The following PTH1R variants were observed in gnomAD, a reference collection of about 807,000 sequenced individuals.
PTH1R encodes the protein parathyroid hormone/parathyroid hormone-related peptide receptor.
Under a neutral mutation model 70.7 loss-of-function variants are expected in PTH1R, and 32 were observed. The observed-to-expected ratio is 0.45, with a 90% CI of 0.34 to 0.61. PTH1R has a LOEUF of 0.61. Ranked by LOEUF, PTH1R falls within the 20% of genes least tolerant of loss-of-function variation. The pLI, the probability that PTH1R is intolerant of heterozygous loss-of-function variation, is 0.01. For synonymous variants in PTH1R, 329 were observed against 324.8 expected, an observed-to-expected ratio of 1.01 and a Z score of -0.14; for missense variants, 626 against 792.5, an observed-to-expected ratio of 0.79 and a Z score of 2.52.
chr3:46,883,701 C>G lies in PTH1R; in HGVS notation c.75+67C>G. The G allele has an allele frequency of 6.6e-7, 1 of 1,524,832 alleles. No individual in the cohort carries two copies. The allele number at this position is 1,524,832 out of a possible 1,614,324, so 94.5% of individuals were successfully genotyped here. The stretch of plus-strand genomic sequence containing the variant: ...TTACCCTAGGGTCCGCGGGATAGGT[C>G]TAAGGCACGCAGTCTTGAGTTCCCC... On this transcript the variant is annotated intron_variant, in intron 3 of 15. Transcript: ENST00000449590. The surrounding 1 kb of genome is among the most constrained non-coding windows in gnomAD (Gnocchi z 6.4).
Position 46,879,065 on chromosome 3 carries a change from C to T in PTH1R, c.-106+1222C>T, listed in dbSNP as rs1377296137. Among the ~76,000 whole-genome samples the T allele has an allele frequency of 6.6e-6, 1 of 152,236 alleles. No homozygotes were observed. The highest frequency in any genetic ancestry group is 1.5e-5 in the Non-Finnish European group (1 of 68,040). ...AGTTAATGTGTGACACCCCCACCCT[C>T]ATGGTAGCACTTTAACCAGAGGCCC... is the stretch of plus-strand genomic sequence containing the variant. On this transcript the variant is annotated intron_variant, in intron 1 of 15. Coordinates refer to ENST00000449590, the MANE Select transcript of PTH1R (RefSeq NM_000316.3). This position sits in a 1 kb window ranked among gnomAD's most constrained non-coding sequence, Gnocchi z 4.7.
At position 46,901,900 on chromosome 3, in the gene PTH1R, G is replaced by T; in HGVS notation, c.1211+40G>T. 1 of 1,529,946 alleles carries T rather than the reference G, an allele frequency of 6.5e-7. No individual in the cohort carries two copies. Among genetic ancestry groups the T allele is most frequent in the East Asian group, 2.2e-5 (1 of 44,448 alleles). The allele number at this position is 1,529,946 out of a possible 1,614,324, so 94.8% of individuals were successfully genotyped here. A position where few individuals can be genotyped will look rare whatever the true frequency, so the allele number is the denominator to read the frequency against. On this transcript the variant is annotated intron_variant, in intron 13 of 15. Coordinates refer to ENST00000449590, the MANE Select transcript of PTH1R (RefSeq NM_000316.3). The surrounding 1 kb of genome is among the most constrained non-coding windows in gnomAD (Gnocchi z 7.3). ...CCTGCCATGCCCTGGCTCCTCAGGG[G>T]TCCCTGAGTCCTGGTACCATGTACC...
At position 46,901,805 on chromosome 3, in the gene PTH1R, G is replaced by A. The variant is rs371572128; in HGVS notation, c.1156G>A (p.Ala386Thr). The change falls in exon 13 of 16, where the codon GCC becomes ACC. Residue 386 changes from alanine (A) to threonine (T), a missense_variant. By Grantham distance (58) the Ala-to-Thr change is moderately conservative. This residue lies in a region of PTH1R where 495 missense variants were observed against 638.7 expected (regional missense o/e 0.77). Coordinates refer to ENST00000449590, the MANE Select transcript of PTH1R (RefSeq NM_000316.3). This position sits in a 1 kb window ranked among gnomAD's most constrained non-coding sequence, Gnocchi z 7.3. ...CTTCATCAATATCGTCCGGGTGCTC[G>A]CCACCAAGCTGCGGGAGACCAACGC... is the stretch of plus-strand genomic sequence containing the variant. ...ILFINIVRVL[A>T]TKLRETNAGR... The A allele has an allele frequency of 1.9e-5, 31 of 1,614,042 alleles. No individual in the cohort carries two copies. The highest frequency in any genetic ancestry group is 1.6e-4 in the Middle Eastern group (1 of 6,062).
Position 46,892,609 on chromosome 3 carries a change from T to A in PTH1R, c.76-1298T>A, listed in dbSNP as rs1316341040. The A allele has an allele frequency of 2.6e-6, 1 of 387,762 alleles. No homozygotes were observed. Among genetic ancestry groups the A allele is most frequent in the African/African-American group, 2.2e-5 (1 of 45,822 alleles). The allele number at this position is 387,762 out of a possible 1,614,324, so 24.0% of individuals were successfully genotyped here. On this transcript the variant is annotated intron_variant, in intron 3 of 15. Transcript: ENST00000449590. The surrounding 1 kb of genome is among the most constrained non-coding windows in gnomAD (Gnocchi z 5.2). ...CGCCAAGAGACGCGGTCAATTAACT[T>A]CTCCCTGCAGCCAGGCTCTCTGACC... is the stretch of plus-strand genomic sequence containing the variant.
At chr3:46,898,626 G>A in intron 8 of PTH1R, 36 bp from the exon 9 acceptor site, 1 of 1,609,076 alleles carries the variant, frequency 6.2e-7, no homozygotes, top group Non-Finnish European at 8.5e-7. Context: ...GCGCGTCCCC[G>A]TGCCCCCACC....
Position 46,892,575 on chromosome 3 carries a change from C to CGCT in PTH1R, c.76-1326_76-1324dup, listed in dbSNP as rs1323727027. ...GAGACTCCTTGGCCCTGGAAGCCCT[C>CGCT]GCTGCTGCCGCCAAGAGACGCGGTC... On this transcript the variant is annotated intron_variant, in intron 3 of 15. Coordinates refer to ENST00000449590, the MANE Select transcript of PTH1R (RefSeq NM_000316.3). The surrounding 1 kb of genome is among the most constrained non-coding windows in gnomAD (Gnocchi z 5.2). 4.2e-6 allele frequency: 1 copy of CGCT among 239,584 alleles called. No individual in the cohort carries two copies. Among genetic ancestry groups the CGCT allele is most frequent in the Non-Finnish European group, 6.9e-6 (1 of 145,788 alleles). The allele number at this position is 239,584 out of a possible 1,614,324, so 14.8% of individuals were successfully genotyped here.
At chr3:46,898,613 AC>A in intron 8 of PTH1R, 48 bp from the exon 9 acceptor site, 1 of 1,606,818 alleles carries the variant, frequency 6.2e-7, no homozygotes, top group Non-Finnish European at 8.5e-7. Context: ...CTGTCCACCC[AC>A]CGCGCGTCCC....
intron 3 of PTH1R, among the ~76,000 whole-genome samples, chr3:46,889,776 T>C (rs531842059): frequency 6.6e-6 from 1 of 152,206 alleles, no homozygotes; most frequent in East Asian, 1.9e-4. Context: ...GGGTATGGAC[T>C]AAGTGACCCC....
rs2032221367 is a variant in PTH1R at position 46,902,948 on chromosome 3, G to A, written c.1395+158G>A. 8.6e-7 allele frequency: 1 copy of A among 1,163,528 alleles called. No individual in the cohort carries two copies. The highest frequency in any genetic ancestry group is 1.3e-6 in the Non-Finnish European group (1 of 793,934). 72.1% of individuals were successfully genotyped at this position (1,163,528 alleles called of 1,614,324 possible). ...AAGCAGAGAAGTCTTTCCAGATGAT[G>A]CAGGTTCAGGATGTGCTAGGATGTG... On this transcript the variant is annotated intron_variant, in intron 15 of 15. Coordinates refer to ENST00000449590, the MANE Select transcript of PTH1R (RefSeq NM_000316.3). The surrounding 1 kb of genome is among the most constrained non-coding windows in gnomAD (Gnocchi z 5.4).
At position 46,902,742 on chromosome 3, in the gene PTH1R, T is replaced by A; in HGVS notation, c.1354-7T>A. ...GCAGGCCTGATTCGAGACACCCCTCTTCACAGGGATTTTTTGTCGCAATCA... is the reference window on the plus strand; with the variant it reads ...GCAGGCCTGATTCGAGACACCCCTCATCACAGGGATTTTTTGTCGCAATCA... On this transcript the variant is annotated splice_region_variant and splice_polypyrimidine_tract_variant and intron_variant, in intron 14 of 15. Transcript: ENST00000449590. The surrounding 1 kb of genome is among the most constrained non-coding windows in gnomAD (Gnocchi z 5.4). 1 of 1,613,946 alleles carries A rather than the reference T, an allele frequency of 6.2e-7. No homozygotes were observed.
At chr3:46,898,888 T>G in intron 9 of PTH1R, 31 bp downstream of exon 9, 1 of 1,453,766 alleles carries the variant, frequency 6.9e-7, no homozygotes, top group East Asian at 2.6e-5. Context: ...CCGCTCCCGG[T>G]GCCGCCACTG....
intron 3 of PTH1R, among the ~76,000 whole-genome samples, chr3:46,889,054 C>A (rs1294306778): frequency 2.0e-5 from 3 of 152,210 alleles, no homozygotes; most frequent in African/African-American, 7.2e-5. Flanking sequence ...GGTGGGGGAG[C>A]AGTCCCAGCC....
At position 46,903,461 on chromosome 3, in the gene PTH1R, C is replaced by T. The variant is rs199557895; in HGVS notation, c.1587C>T (p.Asn529=). 47 of 1,613,576 alleles carry T rather than the reference C, an allele frequency of 2.9e-5. 1 individual carries two copies. The African/African-American group carries it at 4.1e-4, about 14-fold the overall frequency. Residue 529 remains asparagine, a synonymous_variant, in exon 16 of 16, where the codon AAC becomes AAT. Transcript: ENST00000449590. This position sits in a 1 kb window ranked among gnomAD's most constrained non-coding sequence, Gnocchi z 4.4. ...SPRLLPTATT[N]GHPQLPGHAK... is the part of the protein sequence containing the mutation. ...GCCTACTGCCCACTGCCACCACCAACGGCCACCCTCAGCTGCCTGGCCATG... is the reference window on the plus strand; with the variant it reads ...GCCTACTGCCCACTGCCACCACCAATGGCCACCCTCAGCTGCCTGGCCATG...
At position 46,892,157 on chromosome 3, in the gene PTH1R, C is replaced by G. The variant is rs1553642247; in HGVS notation, c.76-1750C>G. On this transcript the variant is annotated intron_variant, in intron 3 of 15. Transcript: ENST00000449590. This position sits in a 1 kb window ranked among gnomAD's most constrained non-coding sequence, Gnocchi z 5.2. ...GAGACTAGGATAGAGGAGCTTAGGC[C>G]AGCCGCCAGCACGTGAGGATCTGCT... Among the ~76,000 whole-genome samples the G allele has an allele frequency of 6.6e-6, 1 of 152,146 alleles. No homozygotes were observed. The highest frequency in any genetic ancestry group is 1.5e-5 in the Non-Finnish European group (1 of 68,024).
Position 46,902,915 on chromosome 3 carries a change from C to A in PTH1R, c.1395+125C>A. ...GTTCCTCCAAGAACACCCCTGAGGACATTCTGAAAGCAGAGAAGTCTTTCC... is the reference window on the plus strand; with the variant it reads ...GTTCCTCCAAGAACACCCCTGAGGAAATTCTGAAAGCAGAGAAGTCTTTCC... On this transcript the variant is annotated intron_variant, in intron 15 of 15. Coordinates refer to ENST00000449590, the MANE Select transcript of PTH1R (RefSeq NM_000316.3). The surrounding 1 kb of genome is among the most constrained non-coding windows in gnomAD (Gnocchi z 5.4). The A allele has an allele frequency of 1.4e-6, 2 of 1,381,740 alleles. No homozygotes were observed. Among genetic ancestry groups the A allele is most frequent in the Non-Finnish European group, 2.0e-6 (2 of 980,478 alleles). 85.6% of individuals were successfully genotyped at this position (1,381,740 alleles called of 1,614,324 possible).
chr3:46,895,737 A>C lies in PTH1R; in HGVS notation c.181A>C (p.Ser61Arg), dbSNP rs765294837. The C allele has an allele frequency of 1.5e-5, 24 of 1,614,044 alleles. No homozygotes were observed. In the East Asian group the frequency reaches 5.1e-4, roughly 34 times the overall value. The change falls in exon 5 of 16, where the codon AGC becomes CGC. Residue 61 changes from serine (S) to arginine (R), a missense_variant and splice_region_variant. Ser to Arg is a moderately radical substitution (Grantham distance 110). Transcript: ENST00000449590. ...CATTACCACCCTGGTTTCTCCAGCCAGCATAATGGAATCAGACAAGGGATG... is the reference window on the plus strand; with the variant it reads ...CATTACCACCCTGGTTTCTCCAGCCCGCATAATGGAATCAGACAAGGGATG... ...RLKEVLQRPASIMESDKGWTS... is the reference protein window; with the variant it reads ...RLKEVLQRPARIMESDKGWTS...
Position 46,891,020 on chromosome 3 carries a change from C to T in PTH1R, c.76-2887C>T, listed in dbSNP as rs1339936943. 6.6e-6 allele frequency among the ~76,000 whole-genome samples: 1 copy of T among 152,166 alleles called. No individual in the cohort carries two copies. The highest frequency in any genetic ancestry group is 2.4e-5 in the African/African-American group (1 of 41,442). On this transcript the variant is annotated intron_variant, in intron 3 of 15. Transcript: ENST00000449590. This position sits in a 1 kb window ranked among gnomAD's most constrained non-coding sequence, Gnocchi z 4.3. ...TGTGAGCTAACGTTTGGAGGGGTAGCGCACTTGGTGTGGGGTTGTCCTCCT... is the reference window on the plus strand; with the variant it reads ...TGTGAGCTAACGTTTGGAGGGGTAGTGCACTTGGTGTGGGGTTGTCCTCCT...
chr3:46,903,557 T>C lies in PTH1R; in HGVS notation c.1683T>C (p.Asp561=), dbSNP rs1441162188. Reference sequence around the variant, plus strand: ...CTGCCATGGCTGCTCCCAAGGACGATGGGTTCCTCAACGGCTCCTGCTCAG... The same window carrying C: ...CTGCCATGGCTGCTCCCAAGGACGACGGGTTCCTCAACGGCTCCTGCTCAG... The part of the protein sequence containing the change: ...TPPAMAAPKD[D]GFLNGSCSGL... The change falls in exon 16 of 16, where the codon GAT becomes GAC. Residue 561 remains aspartate (D), a synonymous_variant. Transcript: ENST00000449590. This position sits in a 1 kb window ranked among gnomAD's most constrained non-coding sequence, Gnocchi z 4.4. The C allele has an allele frequency of 6.2e-7, 1 of 1,613,556 alleles. No homozygotes were observed. The highest frequency in any genetic ancestry group is 8.5e-7 in the Non-Finnish European group (1 of 1,179,902).
rs1453350719 is a variant in PTH1R at position 46,883,077 on chromosome 3, ACCCCTCCCCCGC to A, written c.-48-424_-48-413del. Among the ~76,000 whole-genome samples the A allele has an allele frequency of 9.3e-5, 13 of 140,312 alleles. No homozygotes were observed. Among genetic ancestry groups the A allele is most frequent in the Admixed American group, 2.1e-4 (3 of 14,020 alleles). 92.1% of individuals were successfully genotyped at this position (140,312 alleles called of 152,430 possible). A position where few individuals can be genotyped will look rare whatever the true frequency, so the allele number is the denominator to read the frequency against. On this transcript the variant is annotated intron_variant, in intron 2 of 15. Coordinates refer to ENST00000449590, the MANE Select transcript of PTH1R (RefSeq NM_000316.3). The surrounding 1 kb of genome is among the most constrained non-coding windows in gnomAD (Gnocchi z 6.4). ...GCGCCCCCCGCAGACCGCGACCCCG[ACCCCTCCCCCGC>A]CCCCTCCCCCCACTGGGCGTGGGGC... is the stretch of plus-strand genomic sequence containing the variant.
Sources: gnomAD v4.1 joint callset for allele counts (sites outside exome capture counted in the v4.1 genomes callset) on GRCh38, gnomAD v4.1.1 for gene constraint, gnomAD v4.1.1 regional missense constraint, Gnocchi (gnomAD v3.1) non-coding constraint, MANE v1.5 for transcripts, NCBI Gene and HGNC (gene_info 2026-07-23, HGNC 2026-07-21) for gene names.